CREB3L2: variants seen among roughly 807,000 people sequenced by gnomAD.
CREB3L2 encodes cAMP responsive element binding protein 3 like 2, also known as cyclic AMP-responsive element-binding protein 3-like protein 2.
Under a neutral mutation model 57.2 loss-of-function variants are expected in CREB3L2, and 23 were observed. That is an observed-to-expected ratio of 0.40 (90% confidence interval 0.29 to 0.57). The LOEUF (loss-of-function observed/expected upper bound fraction) is 0.57, where lower values mean the gene tolerates loss of function less well. Ranked by LOEUF, CREB3L2 falls within the 20% of genes least tolerant of loss-of-function variation. The pLI is 0.42. For synonymous variants in CREB3L2, 268 were observed against 265.1 expected (o/e 1.01, Z -0.11); for missense variants, 628 against 634.7 (o/e 0.99, Z 0.11).
intron 2 of CREB3L2, among the ~76,000 whole-genome samples, chr7:137,927,825 A>G (rs273972): frequency 0.7 from 105,305 of 151,168 alleles, 37,916 homozygotes; most frequent in East Asian, 0.93. Context: ...TTGAAACAAG[A>G]GACTTACTGT....
intron 1 of CREB3L2, among the ~76,000 whole-genome samples, chr7:137,973,418 G>T (rs115427875): frequency 6.6e-6 from 1 of 151,974 alleles, no homozygotes; most frequent in Non-Finnish European, 1.5e-5. Context: ...GCCCACCGGC[G>T]CCTATTCTCT....
intron 8 of CREB3L2, among the ~76,000 whole-genome samples, chr7:137,887,457 C>T (rs1157995988): frequency 6.6e-6 from 1 of 152,150 alleles, no homozygotes; most frequent in African/African-American, 2.4e-5. Context: ...GCCTGTAATC[C>T]CAACACTTTG....
chr7:137,927,835 T>A (rs1163983960), intron 2 of CREB3L2, among the ~76,000 whole-genome samples: 2 of 151,382 alleles, frequency 1.3e-5, no homozygotes, highest in African/African-American at 4.9e-5. Flanking sequence ...AGACTTACTG[T>A]ACTGGTAGGA....
chr7:137,885,069 C>T lies in CREB3L2; in HGVS notation c.1196G>A (p.Gly399Glu), dbSNP rs2117176632. 1.2e-6 allele frequency: 2 copies of T among 1,614,160 alleles called. No individual in the cohort carries two copies. The highest frequency in any genetic ancestry group is 4.5e-5 in the East Asian group (2 of 44,878). ...CATCTTGGTGGCAGAAGGATAGGGC[C>T]CGTAGCCTTGAAAGAAGCTGCCGAA... ...VAFGSFFQGY[G>E]PYPSATKMAL... The change falls in exon 10 of 12, where the codon GGG (glycine) becomes GAG (glutamate). Residue 399 changes from glycine to glutamate, a missense_variant. Physicochemically the swap from Gly to Glu is moderately conservative, Grantham distance 98. Transcript: ENST00000330387.
rs186307389 is a variant in CREB3L2 at position 138,001,158 on chromosome 7, G to C, written c.102+446C>G. On this transcript the variant is annotated intron_variant, in intron 1 of 11. Transcript: ENST00000330387. This position sits in a 1 kb window ranked among gnomAD's most constrained non-coding sequence, Gnocchi z 4.2. Reference sequence around the variant, plus strand: ...TTTTTAAAATATAAATATGAAAGAAGAGGAAGGGAGGGAGAGAGGGAGAGA... The same window carrying C: ...TTTTTAAAATATAAATATGAAAGAACAGGAAGGGAGGGAGAGAGGGAGAGA... Among the ~76,000 whole-genome samples the C allele has an allele frequency of 6.7e-6, 1 of 149,562 alleles. No homozygotes were observed. Among genetic ancestry groups the C allele is most frequent in the African/African-American group, 2.5e-5 (1 of 40,766 alleles).
rs1346469899 is a variant in CREB3L2 at position 137,877,519 on chromosome 7, G to A, written c.*2957C>T. 1 of 226,582 alleles carries A rather than the reference G, an allele frequency of 4.4e-6. No individual in the cohort carries two copies. Among genetic ancestry groups the A allele is most frequent in the Non-Finnish European group, 8.8e-6 (1 of 114,008 alleles). The allele number at this position is 226,582 out of a possible 1,614,324, so 14.0% of individuals were successfully genotyped here. ...GTCGAGGGCTGTGAAAAGAACCACG[G>A]TGGGGGGTCTGGGTTACTCAGGTCT... On this transcript the variant is annotated 3_prime_UTR_variant, in exon 12 of 12. Transcript: ENST00000330387.
intron 1 of CREB3L2, among the ~76,000 whole-genome samples, chr7:137,988,726 T>C (rs916925758): frequency 1.3e-5 from 2 of 152,110 alleles, no homozygotes; most frequent in Admixed American, 6.5e-5. Context: ...AACAGACACA[T>C]GCACAAACTC....
chr7:137,936,623 A>G (rs1800790485), intron 1 of CREB3L2, among the ~76,000 whole-genome samples: 1 of 152,124 alleles, frequency 6.6e-6, no homozygotes, highest in Non-Finnish European at 1.5e-5. Flanking sequence ...GAATCTAATG[A>G]CAGTCCTGCC....
At chr7:137,942,799 A>G (rs777253009) in intron 1 of CREB3L2, among the ~76,000 whole-genome samples, 2 of 152,220 alleles carry the variant, frequency 1.3e-5, no homozygotes, top group Non-Finnish European at 2.9e-5. Flanking sequence ...ATGTTTGTTC[A>G]TGATTGAACA....
At chr7:137,964,040 C>T (rs140353524) in intron 1 of CREB3L2, among the ~76,000 whole-genome samples, 6 of 152,210 alleles carry the variant, frequency 3.9e-5, no homozygotes, top group Non-Finnish European at 5.9e-5. Flanking sequence ...TGCGGCCAGG[C>T]GCGGTGGCTC....
At chr7:137,932,257 C>A (rs763059066) in intron 1 of CREB3L2, among the ~76,000 whole-genome samples, 9 of 152,070 alleles carry the variant, frequency 5.9e-5, no homozygotes, top group Non-Finnish European at 1.3e-4. Context: ...TCTTGAGGAA[C>A]CCTCACATTT....
At position 138,001,547 on chromosome 7, in the gene CREB3L2, G is replaced by T; in HGVS notation, c.102+57C>A. 7.4e-7 allele frequency: 1 copy of T among 1,346,396 alleles called. No individual in the cohort carries two copies. The highest frequency in any genetic ancestry group is 1.0e-6 in the Non-Finnish European group (1 of 963,778). 83.4% of individuals were successfully genotyped at this position (1,346,396 alleles called of 1,614,324 possible). ...GGTCCCAGGACTCCAGCTGCTCCTCGCGTGACAACACTTGCCCGCTTTGAA... is the reference window on the plus strand; with the variant it reads ...GGTCCCAGGACTCCAGCTGCTCCTCTCGTGACAACACTTGCCCGCTTTGAA... On this transcript the variant is annotated intron_variant, in intron 1 of 11. Transcript: ENST00000330387. The surrounding 1 kb of genome is among the most constrained non-coding windows in gnomAD (Gnocchi z 4.2).
At chr7:137,903,888 C>G in intron 7 of CREB3L2, 71 bp downstream of exon 7, 2 of 1,308,862 alleles carry the variant, frequency 1.5e-6, no homozygotes, top group Non-Finnish European at 2.2e-6. Flanking sequence ...TGCTTCTCCC[C>G]GATTCTCCGC....
chr7:137,907,308 G>T, intron 5 of CREB3L2, among the ~76,000 whole-genome samples: 1 of 152,312 alleles, frequency 6.6e-6, no homozygotes, highest in East Asian at 1.9e-4. Context: ...ACATGGGGAA[G>T]AGTTCCTCCA....
intron 8 of CREB3L2, among the ~76,000 whole-genome samples, chr7:137,895,650 A>AAAAAAAAAAAAAAAAAAAG (rs1295924394): frequency 1.3e-5 from 2 of 150,296 alleles, no homozygotes; most frequent in East Asian, 2.0e-4. Flanking sequence ...TACAAAAAAA[A>AAAAAAAAAAAAAAAAAAAG]AAAGAAAGAA....
chr7:137,979,553 A>G (rs35647434), intron 1 of CREB3L2, among the ~76,000 whole-genome samples: 8,724 of 151,986 alleles, frequency 0.057, 351 homozygotes, highest in African/African-American at 0.096. Context: ...GTGAAACCCC[A>G]CCTCTACTAA....
chr7:137,995,536 T>C (rs1378668593), intron 1 of CREB3L2, among the ~76,000 whole-genome samples: 1 of 152,028 alleles, frequency 6.6e-6, no homozygotes, highest in Non-Finnish European at 1.5e-5. Context: ...GGTTTCACCA[T>C]CTCGGCCAGG....
chr7:137,965,933 G>A (rs1261455030), intron 1 of CREB3L2, among the ~76,000 whole-genome samples: 1 of 152,168 alleles, frequency 6.6e-6, no homozygotes, highest in Non-Finnish European at 1.5e-5. Flanking sequence ...AACACAATGG[G>A]TGCATCTCAC....
chr7:137,971,011 T>TCCATATTTTTAAAAA (rs1801496298), intron 1 of CREB3L2, among the ~76,000 whole-genome samples: 2 of 152,204 alleles, frequency 1.3e-5, no homozygotes, highest in African/African-American at 4.8e-5. Context: ...GAGAATGGCA[T>TCCATATTTTTAAAAA]GCTTCCAACA....
Sources: allele counts gnomAD v4.1 joint callset (sites outside exome capture counted in the v4.1 genomes callset), GRCh38; gene constraint gnomAD v4.1.1; non-coding constraint Gnocchi (gnomAD v3.1); transcripts MANE v1.5; gene names NCBI Gene and HGNC (gene_info 2026-07-23, HGNC 2026-07-21).